IPP: variants seen among roughly 807,000 people sequenced by gnomAD.
IPP encodes the protein actin-binding protein IPP.
Under a neutral mutation model 64.1 loss-of-function variants are expected in IPP, and 41 were observed. That is an observed-to-expected ratio of 0.64 (90% CI 0.50 to 0.83). The LOEUF (loss-of-function observed/expected upper bound fraction) is 0.83, where lower values mean the gene tolerates loss of function less well. Ranked by LOEUF, IPP falls within the 40% of genes least tolerant of loss-of-function variation. The pLI is 0.00. For synonymous variants in IPP, 214 were observed against 235.2 expected (o/e 0.91, Z 0.83); for missense variants, 649 against 703.0 (o/e 0.92, Z 0.87).
intron 8 of IPP, among the ~76,000 whole-genome samples, chr1:45,708,350 C>T (rs964798822): frequency 5.3e-5 from 8 of 150,604 alleles, no homozygotes; most frequent in Admixed American, 3.3e-4. Flanking sequence ...AGGCGTGAGC[C>T]ACCGCGCCCA....
rs759199037 is a variant in IPP at position 45,729,711 on chromosome 1, T to G, written c.783A>C (p.Glu261Asp). The G allele has an allele frequency of 6.2e-7, 1 of 1,606,934 alleles. No homozygotes were observed. Among genetic ancestry groups the G allele is most frequent in the Admixed American group, 1.7e-5 (1 of 59,696 alleles). ...TGTTCTCTTTGGGAGATTTGCATAC[T>G]TCACAGTACTCTTTCAGAAGTGTTT... ...ALQTLLKEYC[E>D]VCKSPKENKF... is the part of the protein sequence containing the mutation. The change falls in exon 4 of 9, where the codon GAA becomes GAC. Residue 261 changes from glutamate to aspartate, a missense_variant. Coordinates refer to ENST00000396478, the MANE Select transcript of IPP (RefSeq NM_005897.3).
chr1:45,740,361 G>A (rs1646043505), intron 3 of IPP, among the ~76,000 whole-genome samples: 1 of 152,210 alleles, frequency 6.6e-6, no homozygotes, highest in African/African-American at 2.4e-5. Flanking sequence ...CAGGGTGGTG[G>A]CTGGGCAGAG....
At chr1:45,748,350 G>T (rs1380716767) in intron 1 of IPP, among the ~76,000 whole-genome samples, 2 of 152,046 alleles carry the variant, frequency 1.3e-5, no homozygotes, top group African/African-American at 4.8e-5. Context: ...CACCCAAATT[G>T]AAGTGAAAAA....
chr1:45,718,536 G>A (rs1050465093), intron 6 of IPP, among the ~76,000 whole-genome samples: 1 of 150,960 alleles, frequency 6.6e-6, no homozygotes, highest in Non-Finnish European at 1.5e-5. Flanking sequence ...CCCCGCCTGA[G>A]TGCCTCCTTA....
intron 8 of IPP, among the ~76,000 whole-genome samples, chr1:45,709,564 A>G (rs867656481): frequency 2.8e-4 from 43 of 151,416 alleles, no homozygotes; most frequent in Middle Eastern, 6.9e-3. Context: ...GACATTCTCA[A>G]CTGGGCACGG....
chr1:45,719,107 C>T (rs1187709197), intron 6 of IPP, 96 bp downstream of exon 6: 18 of 1,135,734 alleles, frequency 1.6e-5, no homozygotes, highest in East Asian at 2.6e-5. Flanking sequence ...ATCTCATGTG[C>T]CCCATAAATA....
intron 8 of IPP, among the ~76,000 whole-genome samples, chr1:45,708,340 A>C (rs1407898647): frequency 6.6e-6 from 1 of 150,924 alleles, no homozygotes; most frequent in African/African-American, 2.4e-5. Context: ...CTGGAGTAAC[A>C]GGCGTGAGCC....
At chr1:45,722,886 A>G (rs1427450590) in intron 5 of IPP, among the ~76,000 whole-genome samples, 3 of 152,252 alleles carry the variant, frequency 2.0e-5, no homozygotes, top group Admixed American at 2.0e-4. Context: ...ACACAATATT[A>G]TATGATTCCA....
chr1:45,724,015 T>A (rs980005327), intron 5 of IPP, among the ~76,000 whole-genome samples: 1 of 135,656 alleles, frequency 7.4e-6, no homozygotes, highest in South Asian at 2.6e-4. Flanking sequence ...CCTTCCACGG[T>A]CTCCCTCTGA....
In IPP at chr1:45,700,141, C is replaced by T; in HGVS notation, c.1580G>A (p.Cys527Tyr). 6.2e-7 allele frequency: 1 copy of T among 1,613,976 alleles called. No homozygotes were observed. The highest frequency in any genetic ancestry group is 2.2e-5 in the East Asian group (1 of 44,882). ...ASMKVPRAGM[C>Y]VVAVNGLLYV... ...CAGAAGACCATTGACTGCCACAACA[C>T]ACATGCCTGCTCTAGGCACTTTCAT... The change falls in exon 9 of 9, where the codon TGT becomes TAT. Residue 527 changes from cysteine (C) to tyrosine (Y), a missense_variant. By Grantham distance (194) the Cys-to-Tyr change is radical. Coordinates refer to ENST00000396478, the MANE Select transcript of IPP (RefSeq NM_005897.3).
chr1:45,709,521 C>T (rs886746561), intron 8 of IPP, among the ~76,000 whole-genome samples: 2 of 145,782 alleles, frequency 1.4e-5, no homozygotes, highest in African/African-American at 5.1e-5. Context: ...GTTAATAGAA[C>T]TAGAAATAGT....
chr1:45,749,739 C>A (rs1220943119), intron 1 of IPP, among the ~76,000 whole-genome samples: 2 of 151,770 alleles, frequency 1.3e-5, no homozygotes, highest in Non-Finnish European at 2.9e-5. Flanking sequence ...CCAGGATGGT[C>A]TCGATCTCCT....
chr1:45,733,842 A>C (rs975690349), intron 3 of IPP, among the ~76,000 whole-genome samples: 1 of 152,094 alleles, frequency 6.6e-6, no homozygotes, highest in African/African-American at 2.4e-5. Flanking sequence ...AAAAAAAAAA[A>C]ACAGTATTAT....
chr1:45,724,704 G>C (rs1163169706), intron 5 of IPP, among the ~76,000 whole-genome samples: 1 of 150,880 alleles, frequency 6.6e-6, no homozygotes, highest in Middle Eastern at 3.2e-3. Context: ...GTCTCTGCCC[G>C]GCCGCCCCGT....
downstream of IPP, chr1:45,697,797 A>T (rs1645399907): frequency 6.7e-6 from 1 of 150,220 alleles, no homozygotes; most frequent in Non-Finnish European, 1.5e-5. Context: ...TCTCTACTAA[A>T]GATACAAAAA....
chr1:45,749,693 T>G (rs1345502518), intron 1 of IPP, among the ~76,000 whole-genome samples: 1 of 151,524 alleles, frequency 6.6e-6, no homozygotes, highest in Non-Finnish European at 1.5e-5. Context: ...GCTAATTTTT[T>G]GCATTTTTAG....
intron 2 of IPP, among the ~76,000 whole-genome samples, chr1:45,745,780 G>A (rs556115073): frequency 1.3e-5 from 2 of 151,834 alleles, no homozygotes; most frequent in Non-Finnish European, 2.9e-5. Flanking sequence ...CAGGAGAATC[G>A]CTTGAACCTG....
At chr1:45,743,245 T>C (rs1031824259) in intron 2 of IPP, among the ~76,000 whole-genome samples, 1 of 151,386 alleles carries the variant, frequency 6.6e-6, no homozygotes, top group African/African-American at 2.4e-5. Flanking sequence ...TCTTTTTTTT[T>C]TTTTTTTTCT....
chr1:45,725,257 A>AG (rs1645803637), intron 5 of IPP, among the ~76,000 whole-genome samples: 1 of 127,696 alleles, frequency 7.8e-6, no homozygotes, highest in African/African-American at 3.0e-5. Flanking sequence ...CCGGGAGGTG[A>AG]GGGGCGCCTC....
Sources: allele counts gnomAD v4.1 joint callset (sites outside exome capture counted in the v4.1 genomes callset), GRCh38; gene constraint gnomAD v4.1.1; transcripts MANE v1.5; gene names NCBI Gene and HGNC (gene_info 2026-07-23, HGNC 2026-07-21).